SH3D19: variants seen among roughly 807,000 people sequenced by gnomAD.
SH3D19 encodes the protein SH3 domain containing 19, also known as SH3 domain-containing protein 19.
In SH3D19, 58 loss-of-function variants were observed where a neutral mutation model predicts 112.1. The observed-to-expected ratio is 0.52, with a 90% CI of 0.42 to 0.64. SH3D19 has a LOEUF of 0.64. Ranked by LOEUF, SH3D19 falls within the 30% of genes least tolerant of loss-of-function variation. The pLI, the probability that SH3D19 is intolerant of heterozygous loss-of-function variation, is 0.00. For missense variants in SH3D19, 1,090 were observed against 1,263.4 expected, an observed-to-expected ratio of 0.86 and a Z score of 2.08; for synonymous variants, 391 against 448.5, an observed-to-expected ratio of 0.87 and a Z score of 1.62.
intron 1 of SH3D19, among the ~76,000 whole-genome samples, chr4:151,250,044 T>C (rs894401587): frequency 2.0e-5 from 3 of 152,200 alleles, no homozygotes; most frequent in Admixed American, 6.5e-5. Context: ...AAAAGGGATG[T>C]TCTCCATCAC....
At chr4:151,190,198 A>C (rs538629001) in intron 2 of SH3D19, among the ~76,000 whole-genome samples, 2 of 152,242 alleles carry the variant, frequency 1.3e-5, no homozygotes, top group Non-Finnish European at 1.5e-5. Context: ...GCATTCAAAA[A>C]GTCACTTGGG....
chr4:151,222,667 CTTTTTTT>C (rs1554057762), intron 2 of SH3D19, among the ~76,000 whole-genome samples: 7 of 87,240 alleles, frequency 8.0e-5, no homozygotes, highest in Non-Finnish European at 1.3e-4. Context: ...CTCTCTCTCT[CTTTTTTT>C]TTTTTTTTTT....
chr4:151,277,300 A>ATGCC, intron 1 of SH3D19: 1 of 1,189,778 alleles, frequency 8.4e-7, no homozygotes, highest in Non-Finnish European at 1.1e-6. Flanking sequence ...GAACAATGTG[A>ATGCC]CACTTCACCC....
intron 2 of SH3D19, among the ~76,000 whole-genome samples, chr4:151,215,386 C>A (rs1253272924): frequency 6.6e-6 from 1 of 152,372 alleles, no homozygotes; most frequent in African/African-American, 2.4e-5. Context: ...CTGCACAAGG[C>A]AGTGTGCCAA....
At chr4:151,309,966 G>T (rs1402571011) in intron 1 of SH3D19, among the ~76,000 whole-genome samples, 1 of 151,656 alleles carries the variant, frequency 6.6e-6, no homozygotes, top group Admixed American at 6.6e-5. Flanking sequence ...CTCCAGCCTG[G>T]GTGACATAGC....
chr4:151,278,484 G>A (rs901889914), intron 1 of SH3D19, among the ~76,000 whole-genome samples: 3 of 151,830 alleles, frequency 2.0e-5, no homozygotes, highest in Non-Finnish European at 4.4e-5. Context: ...TATTTAGGAA[G>A]TGATTTGTGA....
intron 1 of SH3D19, among the ~76,000 whole-genome samples, chr4:151,241,617 A>T (rs543246183): frequency 5.9e-5 from 9 of 151,410 alleles, no homozygotes; most frequent in Admixed American, 2.0e-4. Flanking sequence ...CTGGTCTTGA[A>T]CTCCTGGGCT....
chr4:151,147,645 T>A (rs1363349055), intron 11 of SH3D19, among the ~76,000 whole-genome samples: 2 of 152,150 alleles, frequency 1.3e-5, no homozygotes, highest in African/African-American at 4.8e-5. Flanking sequence ...GTAATTTTAG[T>A]AGAGACAGAG....
At position 151,276,909 on chromosome 4, in the gene SH3D19, C is replaced by T. The variant is rs137871855; in HGVS notation, c.112+48332G>A. Among the ~76,000 whole-genome samples the T allele has an allele frequency of 6.4e-3, 974 of 152,276 alleles. 49 individuals are homozygous for T. The highest frequency in any genetic ancestry group is 0.055 in the Admixed American group (844 of 15,294). ...GCCCTCAACCAGCCACTCCTCAACA[C>T]CACAGGCAGAAACCCCAGAAACCCT... On this transcript the variant is annotated intron_variant, in intron 1 of 19. Transcript: ENST00000604030.
chr4:151,179,275 C>T (rs1760447337), intron 4 of SH3D19, 80 bp downstream of exon 4: 1 of 734,318 alleles, frequency 1.4e-6, no homozygotes. Flanking sequence ...GAAAGTGAAA[C>T]ATTTAATTTG....
At chr4:151,255,476 G>A (rs1216609666) in intron 1 of SH3D19, among the ~76,000 whole-genome samples, 3 of 151,934 alleles carry the variant, frequency 2.0e-5, no homozygotes, top group East Asian at 3.9e-4. Flanking sequence ...GATGGCGGCC[G>A]GGAAGAGGTG....
intron 1 of SH3D19, among the ~76,000 whole-genome samples, chr4:151,323,355 C>T (rs1021488631): frequency 1.3e-5 from 2 of 152,156 alleles, no homozygotes; most frequent in East Asian, 1.9e-4. Context: ...GAAGCTTCTG[C>T]GTCAGTTCAT....
At position 151,174,777 on chromosome 4, in the gene SH3D19, T is replaced by G; in HGVS notation, c.1427A>C (p.Gln476Pro). ...ATCGATGTCCACCAAGGGCTTGCTC[T>G]GCAGAACTGGAACTGGGGGGTTGGC... ...PPANPPVPVLQSKPLVDIDLI... is the reference protein window; with the variant it reads ...PPANPPVPVLPSKPLVDIDLI... Residue 476 changes from glutamine to proline, a missense_variant, in exon 7 of 20, where the codon CAG (glutamine) becomes CCG (proline). Coordinates refer to ENST00000604030, the MANE Select transcript of SH3D19 (RefSeq NM_001378122.1). 1 of 1,548,326 alleles carries G rather than the reference T, an allele frequency of 6.5e-7. No homozygotes were observed. Among genetic ancestry groups the G allele is most frequent in the East Asian group, 2.2e-5 (1 of 44,464 alleles).
chr4:151,221,733 C>A (rs552403761), intron 2 of SH3D19, among the ~76,000 whole-genome samples: 1 of 152,222 alleles, frequency 6.6e-6, no homozygotes, highest in African/African-American at 2.4e-5. Context: ...ATAGCACAGT[C>A]CTAAAGAACT....
intron 2 of SH3D19, among the ~76,000 whole-genome samples, chr4:151,213,864 T>C (rs1043296277): frequency 6.6e-6 from 1 of 151,376 alleles, no homozygotes; most frequent in African/African-American, 2.4e-5. Flanking sequence ...CTTTTAAATT[T>C]TTTTTTTTTT....
chr4:151,255,371 C>T (rs1176665016), intron 1 of SH3D19, among the ~76,000 whole-genome samples: 5 of 151,118 alleles, frequency 3.3e-5, no homozygotes, highest in Non-Finnish European at 7.4e-5. Flanking sequence ...GGCAGAGGTG[C>T]TCCTCACATC....
At position 151,259,321 on chromosome 4, in the gene SH3D19, T is replaced by G. The variant is rs114333523; in HGVS notation, c.113-33235A>C. Among the ~76,000 whole-genome samples the G allele has an allele frequency of 3.7e-3, 565 of 152,286 alleles. 6 individuals are homozygous for G. Among genetic ancestry groups the G allele is most frequent in the African/African-American group, 0.01 (417 of 41,556 alleles). On this transcript the variant is annotated intron_variant, in intron 1 of 19. Coordinates refer to ENST00000604030, the MANE Select transcript of SH3D19 (RefSeq NM_001378122.1). ...ATCTCTTGAAGTCAAGTAAGACACT[T>G]CAGGCAGAGGCAGCATGCCTGGATG...
chr4:151,321,351 C>A (rs1372009685), intron 1 of SH3D19, among the ~76,000 whole-genome samples: 3 of 152,122 alleles, frequency 2.0e-5, no homozygotes, highest in Admixed American at 1.3e-4. Flanking sequence ...CCACTTCTTG[C>A]CCTTGGCTAG....
At chr4:151,306,211 A>C (rs1437065602) in intron 1 of SH3D19, among the ~76,000 whole-genome samples, 1 of 152,208 alleles carries the variant, frequency 6.6e-6, no homozygotes, top group Non-Finnish European at 1.5e-5. Context: ...GGTAGTTGCC[A>C]CAAGAAACTA....
Sources: gnomAD v4.1 joint callset for allele counts (sites outside exome capture counted in the v4.1 genomes callset) on GRCh38, gnomAD v4.1.1 for gene constraint, MANE v1.5 for transcripts, NCBI Gene and HGNC (gene_info 2026-07-23, HGNC 2026-07-21) for gene names.